The following SIRPD variants were observed in gnomAD, a reference collection of about 807,000 sequenced individuals.
SIRPD encodes the protein signal regulatory protein delta.
In SIRPD, 21 loss-of-function variants were observed where a neutral mutation model predicts 18.0. The observed-to-expected ratio is 1.17, with a 90% CI of 0.83 to 1.68. The LOEUF (loss-of-function observed/expected upper bound fraction) is 1.68, where lower values mean the gene tolerates loss of function less well. Among genes scored for constraint, SIRPD ranks in the 40% most tolerant of loss-of-function variants. SIRPD has a pLI of 0.00. For missense variants in SIRPD, 295 were observed against 238.4 expected, an observed-to-expected ratio of 1.24 and a Z score of -1.56; for synonymous variants, 106 against 92.9, an observed-to-expected ratio of 1.14 and a Z score of -0.81.
chr20:1,557,277 A>T (rs1400579239), intron 1 of SIRPD, among the ~76,000 whole-genome samples: 1 of 151,962 alleles, frequency 6.6e-6, no homozygotes, highest in East Asian at 1.9e-4. Context: ...AGGTAAAAAT[A>T]AAATAAAATA....
At chr20:1,557,127 C>T (rs2091044906) in intron 1 of SIRPD, among the ~76,000 whole-genome samples, 1 of 152,064 alleles carries the variant, frequency 6.6e-6, no homozygotes, top group African/African-American at 2.4e-5. Context: ...GTGGCGCGTG[C>T]TTGTAGTCCC....
At chr20:1,538,795 G>C (rs984916971) in intron 2 of SIRPD, among the ~76,000 whole-genome samples, 6 of 152,202 alleles carry the variant, frequency 3.9e-5, no homozygotes, top group African/African-American at 1.2e-4. Flanking sequence ...GAAGCTTCCA[G>C]ATGACCCAGC....
intron 2 of SIRPD, 59 bp from the exon 3 acceptor site, chr20:1,537,369 A>G: frequency 1.3e-6 from 2 of 1,547,158 alleles, no homozygotes; most frequent in Non-Finnish European, 1.8e-6. Context: ...CTATGATGGG[A>G]GGAAAGGGCT....
chr20:1,537,022 G>C, intron 3 of SIRPD, 133 bp downstream of exon 3: 1 of 966,466 alleles, frequency 1.0e-6, no homozygotes, highest in South Asian at 1.6e-5. Flanking sequence ...GTCTTAAAGA[G>C]GAAGGGGTGG....
chr20:1,554,128 A>G lies in SIRPD; in HGVS notation c.74-2090T>C, dbSNP rs536861991. ...GAGTTACTCTGGGGAAGTGGCTTCC[A>G]TTGCAACTAAAGATTAATTGTTGTC... On this transcript the variant is annotated intron_variant, in intron 1 of 3. Transcript: ENST00000381623. The G allele has an allele frequency of 5.9e-5, 9 of 152,776 alleles. No homozygotes were observed. The South Asian group carries it at 1.7e-3, about 28-fold the overall frequency. 9.5% of individuals were successfully genotyped at this position (152,776 alleles called of 1,614,324 possible). A position where few individuals can be genotyped will look rare whatever the true frequency, so the allele number is the denominator to read the frequency against.
At position 1,541,873 on chromosome 20, in the gene SIRPD, C is replaced by A. The variant is rs181069077; in HGVS notation, c.422-4563G>T. 6.0e-3 allele frequency among the ~76,000 whole-genome samples: 914 copies of A among 152,294 alleles called. 10 individuals carry two copies. Among genetic ancestry groups the A allele is most frequent in the African/African-American group, 0.021 (862 of 41,538 alleles). On this transcript the variant is annotated intron_variant, in intron 2 of 3. Coordinates refer to ENST00000381623, the MANE Select transcript of SIRPD (RefSeq NM_178460.3). ...TCTGCATATGGCTAGCCAGTTTTCCCAACACCATTTATTAAATAGGGAATC... is the reference window on the plus strand; with the variant it reads ...TCTGCATATGGCTAGCCAGTTTTCCAAACACCATTTATTAAATAGGGAATC...
At chr20:1,540,325 A>T (rs1304435491) in intron 2 of SIRPD, 1 of 456,050 alleles carries the variant, frequency 2.2e-6, no homozygotes, top group Non-Finnish European at 4.4e-6. Context: ...GGCTTCTAGA[A>T]CTGTAAGAGA....
chr20:1,544,879 T>A (rs1313165827), intron 2 of SIRPD, among the ~76,000 whole-genome samples: 5 of 152,188 alleles, frequency 3.3e-5, no homozygotes, highest in Non-Finnish European at 7.3e-5. Context: ...TATGAAGCTT[T>A]TTTTGGCTGG....
At chr20:1,536,276 T>C (rs910889350) in intron 3 of SIRPD, among the ~76,000 whole-genome samples, 3 of 152,258 alleles carry the variant, frequency 2.0e-5, no homozygotes, top group African/African-American at 7.2e-5. Flanking sequence ...ACAACTGTAT[T>C]GGAAAGGCAT....
chr20:1,551,760 C>A lies in SIRPD; in HGVS notation c.352G>T (p.Val118Leu). 6.2e-7 allele frequency: 1 copy of A among 1,614,064 alleles called. No individual in the cohort carries two copies. ...ATAGCTCTTCCTTTTATGAACTTCACGCAGTAATAGGTGCCAGCATCAGCA... is the reference window on the plus strand; with the variant it reads ...ATAGCTCTTCCTTTTATGAACTTCAAGCAGTAATAGGTGCCAGCATCAGCA... The part of the protein sequence containing the change: ...SLADAGTYYC[V>L]KFIKGRAIKE... Residue 118 changes from valine (V) to leucine (L), a missense_variant, in exon 2 of 4, where the codon GTG becomes TTG. By Grantham distance (32) the Val-to-Leu change is conservative. Coordinates refer to ENST00000381623, the MANE Select transcript of SIRPD (RefSeq NM_178460.3).
At chr20:1,553,292 C>T (rs1287910867) in intron 1 of SIRPD, among the ~76,000 whole-genome samples, 1 of 152,186 alleles carries the variant, frequency 6.6e-6, no homozygotes, top group African/African-American at 2.4e-5. Context: ...TGATCTCAGA[C>T]TGGACTGTGG....
At chr20:1,544,302 A>C (rs965192738) in intron 2 of SIRPD, among the ~76,000 whole-genome samples, 5 of 152,088 alleles carry the variant, frequency 3.3e-5, no homozygotes, top group African/African-American at 1.2e-4. Context: ...TCTTGTATTG[A>C]GGGCATATAT....
chr20:1,535,336 C>G (rs1047112432), intron 3 of SIRPD, among the ~76,000 whole-genome samples: 8 of 152,130 alleles, frequency 5.3e-5, no homozygotes, highest in African/African-American at 1.9e-4. Context: ...TGCTTGATTG[C>G]TATAGTTTAA....
chr20:1,546,723 A>G lies in SIRPD; in HGVS notation c.421+4968T>C, dbSNP rs139739595. On this transcript the variant is annotated intron_variant, in intron 2 of 3. Coordinates refer to ENST00000381623, the MANE Select transcript of SIRPD (RefSeq NM_178460.3). ...TCCACCTGCAGTGTATGAGGTTTAC[A>G]ATTCCTCTACATTCTCATAAACATT... Among the ~76,000 whole-genome samples, 352 of 152,348 alleles carry G rather than the reference A, an allele frequency of 2.3e-3. 2 individuals carry two copies. The highest frequency in any genetic ancestry group is 8.2e-3 in the African/African-American group (339 of 41,578).
chr20:1,547,494 C>T (rs532739856), intron 2 of SIRPD, among the ~76,000 whole-genome samples: 5 of 152,270 alleles, frequency 3.3e-5, no homozygotes, highest in Middle Eastern at 3.4e-3. Flanking sequence ...TGTCCTCAAG[C>T]GATCCTCCCA....
intron 2 of SIRPD, among the ~76,000 whole-genome samples, chr20:1,542,888 A>T (rs974197827): frequency 5.9e-5 from 9 of 152,118 alleles, no homozygotes; most frequent in African/African-American, 2.2e-4. Flanking sequence ...TATTGAGATA[A>T]TTGTGGTTTT....
chr20:1,540,059 T>A (rs575442763), intron 2 of SIRPD: 15 of 281,948 alleles, frequency 5.3e-5, no homozygotes, highest in African/African-American at 3.3e-4. Flanking sequence ...TAATTTGTTA[T>A]GCAGCATAGA....
intron 2 of SIRPD, among the ~76,000 whole-genome samples, chr20:1,538,613 A>G (rs1401025865): frequency 6.6e-6 from 1 of 152,270 alleles, no homozygotes; most frequent in Middle Eastern, 3.4e-3. Context: ...CTGCATTTCT[A>G]CCTGGCTTTC....
chr20:1,545,377 C>A (rs1286165755), intron 2 of SIRPD, among the ~76,000 whole-genome samples: 1 of 152,188 alleles, frequency 6.6e-6, no homozygotes, highest in Non-Finnish European at 1.5e-5. Context: ...TCTTCAATCT[C>A]TGAAATCCTT....
Sources: gnomAD v4.1 joint callset for allele counts (sites outside exome capture counted in the v4.1 genomes callset) on GRCh38, gnomAD v4.1.1 for gene constraint, MANE v1.5 for transcripts, NCBI Gene and HGNC (gene_info 2026-07-23, HGNC 2026-07-21) for gene names.